Variants in CXCL13 observed in about 807,000 individuals in gnomAD.
CXCL13 encodes C-X-C motif chemokine 13.
In CXCL13, 7 loss-of-function variants were observed where a neutral mutation model predicts 12.2. That is an observed-to-expected ratio of 0.57 (90% confidence interval 0.33 to 1.07). The LOEUF (loss-of-function observed/expected upper bound fraction) is 1.07. Ranked by LOEUF, CXCL13 falls within the 50% of genes least tolerant of loss-of-function variation. The probability of loss-of-function intolerance (pLI) is 0.04; values close to 1 mark genes in which losing one functional copy is unlikely to be tolerated. For synonymous variants in CXCL13, 47 were observed against 42.4 expected (o/e 1.11, Z -0.42); for missense variants, 113 against 127.4 (o/e 0.89, Z 0.55).
intron 1 of CXCL13, among the ~76,000 whole-genome samples, chr4:77,580,792 C>G (rs1726313490): frequency 7.9e-6 from 1 of 126,832 alleles, no homozygotes; most frequent in Non-Finnish European, 1.7e-5. Flanking sequence ...GCCCTCCTCT[C>G]CCCTTCTCCT....
chr4:77,559,921 C>CCAA (rs1553916335), intron 1 of CXCL13, among the ~76,000 whole-genome samples: 1 of 77,120 alleles, frequency 1.3e-5, no homozygotes, highest in South Asian at 4.6e-4. Flanking sequence ...GACTCCATCA[C>CCAA]AAAAAAAAAA....
intron 1 of CXCL13, among the ~76,000 whole-genome samples, chr4:77,572,116 AG>A (rs1726100906): frequency 6.6e-6 from 1 of 151,936 alleles, no homozygotes; most frequent in South Asian, 2.1e-4. Flanking sequence ...TCTTGAAGTC[AG>A]TGAGACCAAG....
intron 1 of CXCL13, among the ~76,000 whole-genome samples, chr4:77,565,673 A>G (rs536097723): frequency 2.0e-5 from 3 of 152,318 alleles, no homozygotes; most frequent in Admixed American, 6.5e-5. Flanking sequence ...AGTGTAAAAC[A>G]GGGTGATCCT....
At chr4:77,610,872 A>G (rs758095109) in intron 3 of CXCL13, 116 bp from the exon 4 acceptor site, 3 of 997,694 alleles carry the variant, frequency 3.0e-6, no homozygotes, top group Non-Finnish European at 4.7e-6. Context: ...GCAGCTCAGT[A>G]AACCAAACTA....
chr4:77,604,193 C>A (rs969701153), upstream of CXCL13, among the ~76,000 whole-genome samples: 5 of 152,188 alleles, frequency 3.3e-5, no homozygotes, highest in Non-Finnish European at 5.9e-5. Flanking sequence ...AAGGACCGAG[C>A]ACGGTTGGGG....
intron 1 of CXCL13, among the ~76,000 whole-genome samples, chr4:77,572,340 G>T (rs576330883): frequency 6.6e-6 from 1 of 151,920 alleles, no homozygotes; most frequent in Non-Finnish European, 1.5e-5. Flanking sequence ...GGTGGAGGTT[G>T]CAGTGAGCCA....
chr4:77,516,967 C>T (rs1375622632), intron 1 of CXCL13, among the ~76,000 whole-genome samples: 3 of 152,120 alleles, frequency 2.0e-5, no homozygotes, highest in Admixed American at 2.0e-4. Context: ...TCCCTCTACA[C>T]ACTGCTTTGA....
chr4:77,534,784 G>T (rs1725020609), intron 1 of CXCL13, among the ~76,000 whole-genome samples: 1 of 152,116 alleles, frequency 6.6e-6, no homozygotes, highest in African/African-American at 2.4e-5. Flanking sequence ...GCAAAATGTT[G>T]GGGTTGGACC....
chr4:77,560,891 A>G (rs1022653553), intron 1 of CXCL13, among the ~76,000 whole-genome samples: 8 of 151,924 alleles, frequency 5.3e-5, no homozygotes, highest in Non-Finnish European at 1.2e-4. Flanking sequence ...TAATTTTTAT[A>G]TTTTCTTAGG....
intron 1 of CXCL13, among the ~76,000 whole-genome samples, chr4:77,517,249 G>A (rs1216426637): frequency 6.6e-6 from 1 of 152,120 alleles, no homozygotes; most frequent in Non-Finnish European, 1.5e-5. Flanking sequence ...TTTTGGAATA[G>A]GTGTGGTGTG....
At chr4:77,579,385 A>G (rs1359864151) in intron 1 of CXCL13, among the ~76,000 whole-genome samples, 1 of 152,186 alleles carries the variant, frequency 6.6e-6, no homozygotes, top group Non-Finnish European at 1.5e-5. Context: ...TCACCCCACT[A>G]AGGATGCAGG....
chr4:77,528,142 G>A (rs190752784), intron 1 of CXCL13, among the ~76,000 whole-genome samples: 1 of 152,166 alleles, frequency 6.6e-6, no homozygotes, highest in African/African-American at 2.4e-5. Context: ...GTATTCCATG[G>A]TGTATATGTG....
At chr4:77,514,074 C>T (rs1328601241) in intron 1 of CXCL13, among the ~76,000 whole-genome samples, 1 of 151,874 alleles carries the variant, frequency 6.6e-6, no homozygotes, top group Non-Finnish European at 1.5e-5. Flanking sequence ...TTTGTTCTTG[C>T]AATAGTTTAC....
intron 1 of CXCL13, among the ~76,000 whole-genome samples, chr4:77,566,251 A>T (rs1382925202): frequency 6.6e-6 from 1 of 152,206 alleles, no homozygotes; most frequent in Non-Finnish European, 1.5e-5. Flanking sequence ...GAAAATACAC[A>T]TTTAAAATTT....
chr4:77,528,048 C>T (rs531956701), intron 1 of CXCL13, among the ~76,000 whole-genome samples: 8 of 151,970 alleles, frequency 5.3e-5, no homozygotes, highest in Non-Finnish European at 1.0e-4. Context: ...TTTGTCCTTG[C>T]GATAGTTTGC....
intron 2 of CXCL13, 141 bp from the exon 3 acceptor site, chr4:77,610,473 C>G (rs531864810): frequency 1.5e-6 from 1 of 647,532 alleles, no homozygotes; most frequent in Non-Finnish European, 2.7e-6. Flanking sequence ...TACAAATCAC[C>G]TATTCCAGAT....
intron 1 of CXCL13, among the ~76,000 whole-genome samples, chr4:77,523,647 G>C (rs1460535502): frequency 6.6e-6 from 1 of 152,144 alleles, no homozygotes; most frequent in Non-Finnish European, 1.5e-5. Context: ...CCTTGTGATG[G>C]GTTAGAACAT....
intron 1 of CXCL13, among the ~76,000 whole-genome samples, chr4:77,557,404 G>T (rs1210779256): frequency 6.6e-6 from 1 of 152,146 alleles, no homozygotes; most frequent in Non-Finnish European, 1.5e-5. Context: ...CTGGAAACTG[G>T]ACAATGGATC....
intron 1 of CXCL13, among the ~76,000 whole-genome samples, chr4:77,550,764 C>G (rs1201646930): frequency 6.6e-6 from 1 of 152,094 alleles, no homozygotes; most frequent in African/African-American, 2.4e-5. Flanking sequence ...TTTCATAGGT[C>G]TAGAACTACT....
Sources: gnomAD v4.1 joint callset for allele counts (sites outside exome capture counted in the v4.1 genomes callset) on GRCh38, gnomAD v4.1.1 for gene constraint, MANE v1.5 for transcripts, NCBI Gene and HGNC (gene_info 2026-07-23, HGNC 2026-07-21) for gene names.